H3C6: variants seen among roughly 807,000 people sequenced by gnomAD.
The protein encoded by H3C6 is histone H3.1.
H3C6 carries 17 observed loss-of-function variants against 8.0 expected under a neutral mutation model. The ratio of observed to expected loss-of-function variants is 2.13; its 90% confidence interval spans 1.46 to 3.19. The LOEUF is 3.19. Ranked by LOEUF, H3C6 falls within the 30% of genes most tolerant of loss-of-function variation. H3C6 has a pLI of 0.00. For missense variants in H3C6, 298 were observed against 193.8 expected (o/e 1.54, Z -3.19); for synonymous variants, 169 against 78.0 (o/e 2.17, Z -6.15).
upstream of H3C6, chr6:26,225,121 A>T (rs575583153): frequency 7.2e-6 from 11 of 1,523,184 alleles, no homozygotes; most frequent in South Asian, 1.2e-4. Flanking sequence ...GGGGCAAACC[A>T]ATCTTCCTAA....
At position 26,225,253 on chromosome 6, in the gene H3C6, G is replaced by C. The variant is rs748257929; in HGVS notation, c.99G>C (p.Thr33=). ...TKAARKSAPA[T]GGVKKPHRYR... ...CAGCTCGCAAGAGCGCTCCGGCCAC[G>C]GGCGGCGTGAAGAAGCCCCATCGCT... Residue 33 remains threonine, a synonymous_variant, in exon 1 of 1, where the codon ACG becomes ACC. Coordinates refer to ENST00000614911, the MANE Select transcript of H3C6 (RefSeq NM_003532.3). 19 of 1,613,620 alleles carry C rather than the reference G, an allele frequency of 1.2e-5. No homozygotes were observed. The highest frequency in any genetic ancestry group is 1.6e-5 in the Non-Finnish European group (19 of 1,179,792).
chr6:26,225,154 T>C lies in H3C6; in HGVS notation c.-1T>C, dbSNP rs764797765. 4 of 1,543,014 alleles carry C rather than the reference T, an allele frequency of 2.6e-6. No individual in the cohort carries two copies. Among genetic ancestry groups the C allele is most frequent in the African/African-American group, 1.4e-5 (1 of 72,414 alleles). On this transcript the variant is annotated 5_prime_UTR_variant, in exon 1 of 1. Transcript: ENST00000614911. ...TAACTCATTTACTTTGCAGATGAACTATGGCGCGTACTAAGCAGACGGCTC... is the reference window on the plus strand; with the variant it reads ...TAACTCATTTACTTTGCAGATGAACCATGGCGCGTACTAAGCAGACGGCTC...
At chr6:26,225,978 C>T (rs1489659230), downstream of H3C6, 1 of 158,072 alleles carries the variant, frequency 6.3e-6, no homozygotes, top group Non-Finnish European at 1.4e-5. Context: ...CTTTCAACGC[C>T]TTGGTTTTGC....
chr6:26,227,041 T>C (rs1309139444), downstream of H3C6: 1 of 152,208 alleles, frequency 6.6e-6, no homozygotes, highest in African/African-American at 2.4e-5. Flanking sequence ...AAGGTAGCCA[T>C]AGTAAGAAGT....
chr6:26,224,456 A>G (rs1765585929), upstream of H3C6, among the ~76,000 whole-genome samples: 1 of 152,234 alleles, frequency 6.6e-6, no homozygotes, highest in Non-Finnish European at 1.5e-5. Flanking sequence ...CATCTTTTTC[A>G]AGATTTTAAA....
downstream of H3C6, chr6:26,225,869 C>G (rs913825047): frequency 3.6e-6 from 1 of 276,886 alleles, no homozygotes; most frequent in African/African-American, 2.2e-5. Context: ...TTTCTAAACT[C>G]CTGGCCACTT....
downstream of H3C6, chr6:26,225,670 G>A (rs898775044): frequency 3.9e-6 from 5 of 1,296,666 alleles, no homozygotes; most frequent in African/African-American, 7.4e-5. Flanking sequence ...CCACTAAACT[G>A]CACTGATCCA....
downstream of H3C6, chr6:26,227,471 G>A (rs1333410849): frequency 1.3e-5 from 2 of 152,040 alleles, no homozygotes; most frequent in African/African-American, 4.8e-5. Context: ...TTACTGAACA[G>A]AATTTAACAT....
chr6:26,225,209 A>G lies in H3C6; in HGVS notation c.55A>G (p.Lys19Glu). 1 of 1,604,756 alleles carries G rather than the reference A, an allele frequency of 6.2e-7. No homozygotes were observed. Among genetic ancestry groups the G allele is most frequent in the Non-Finnish European group, 8.5e-7 (1 of 1,175,468 alleles). Residue 19 changes from lysine to glutamate, a missense_variant, in exon 1 of 1, where the codon AAA (lysine) becomes GAA (glutamate). Lys to Glu is a moderately conservative substitution (Grantham distance 56). Transcript: ENST00000614911. ...RKSTGGKAPR[K>E]QLATKAARKS... ...ATCCACAGGCGGTAAAGCACCGCGC[A>G]AACAGCTGGCCACTAAGGCAGCTCG...
downstream of H3C6, chr6:26,225,756 G>C (rs1348644766): frequency 1.1e-5 from 8 of 709,164 alleles, no homozygotes; most frequent in Non-Finnish European, 1.8e-5. Context: ...GCTCCCTCAG[G>C]TTTTCGCCTA....
upstream of H3C6, chr6:26,224,937 A>T (rs1765594037): frequency 2.2e-6 from 1 of 463,248 alleles, no homozygotes; most frequent in Non-Finnish European, 3.8e-6. Context: ...GAAACCTGTA[A>T]CGGAAAACGA....
chr6:26,225,692 G>C (rs984140091), downstream of H3C6: 12 of 1,166,812 alleles, frequency 1.0e-5, no homozygotes, highest in East Asian at 4.9e-5. Context: ...ATAGACATTT[G>C]AAATAGTGGC....
rs1420037397 is a variant in H3C6, at chr6:26,225,205, G to C, written c.51G>C (p.Pro17=). 6.2e-7 allele frequency: 1 copy of C among 1,602,512 alleles called. No homozygotes were observed. Among genetic ancestry groups the C allele is most frequent in the Non-Finnish European group, 8.5e-7 (1 of 1,174,274 alleles). ...GTAAATCCACAGGCGGTAAAGCACC[G>C]CGCAAACAGCTGGCCACTAAGGCAG... The part of the protein sequence containing the change: ...TARKSTGGKA[P]RKQLATKAAR... Residue 17 remains proline (P), a synonymous_variant, in exon 1 of 1, where the codon CCG becomes CCC. Coordinates refer to ENST00000614911, the MANE Select transcript of H3C6 (RefSeq NM_003532.3).
chr6:26,224,266 T>C (rs1312260256), upstream of H3C6: 1 of 152,164 alleles, frequency 6.6e-6, no homozygotes, highest in Non-Finnish European at 1.5e-5. Flanking sequence ...AGCTGTTGAG[T>C]GTGGAAGCGA....
downstream of H3C6, chr6:26,225,761 C>T: frequency 1.5e-6 from 1 of 675,280 alleles, no homozygotes; most frequent in East Asian, 3.0e-5. Flanking sequence ...CTCAGGTTTT[C>T]GCCTAGGGCT....
chr6:26,225,790 C>G (rs190589016), downstream of H3C6: 89 of 510,286 alleles, frequency 1.7e-4, no homozygotes, highest in East Asian at 3.1e-3. Flanking sequence ...CTACGCTGTT[C>G]TCCATTGGTT....
In H3C6 at chr6:26,225,394, G is replaced by C; in HGVS notation, c.240G>C (p.Lys80Asn). The C allele has an allele frequency of 6.2e-7, 1 of 1,614,274 alleles. No homozygotes were observed. The highest frequency in any genetic ancestry group is 8.5e-7 in the Non-Finnish European group (1 of 1,180,048). ...RLVREIAQDF[K>N]TDLRFQSSAV... ...TGCGAGAAATAGCTCAGGACTTCAAGACCGACCTGCGCTTCCAGAGTTCCG... is the reference window on the plus strand; with the variant it reads ...TGCGAGAAATAGCTCAGGACTTCAACACCGACCTGCGCTTCCAGAGTTCCG... The change falls in exon 1 of 1, where the codon AAG becomes AAC. Residue 80 changes from lysine (K) to asparagine (N), a missense_variant. By Grantham distance (94) the Lys-to-Asn change is moderately conservative (BLOSUM62 0). Transcript: ENST00000614911.
Position 26,225,181 on chromosome 6 carries a change from T to G in H3C6, c.27T>G (p.Arg9=). The stretch of plus-strand genomic sequence containing the variant: ...TGGCGCGTACTAAGCAGACGGCTCG[T>G]AAATCCACAGGCGGTAAAGCACCGC... MARTKQTA[R]KSTGGKAPRK... The change falls in exon 1 of 1, where the codon CGT becomes CGG. Residue 9 remains arginine, a synonymous_variant. Coordinates refer to ENST00000614911, the MANE Select transcript of H3C6 (RefSeq NM_003532.3). 1 of 1,579,634 alleles carries G rather than the reference T, an allele frequency of 6.3e-7. No homozygotes were observed. Among genetic ancestry groups the G allele is most frequent in the African/African-American group, 1.4e-5 (1 of 73,544 alleles).
downstream of H3C6, chr6:26,225,803 G>A (rs1307027527): frequency 1.7e-5 from 8 of 476,814 alleles, no homozygotes; most frequent in Non-Finnish European, 2.2e-5. Flanking sequence ...CATTGGTTTA[G>A]CTGGCTTTGT....
Sources: allele counts gnomAD v4.1 joint callset (sites outside exome capture counted in the v4.1 genomes callset), GRCh38; gene constraint gnomAD v4.1.1; transcripts MANE v1.5; gene names NCBI Gene and HGNC (gene_info 2026-07-23, HGNC 2026-07-21).